The following LRRC74A variants were observed in gnomAD, a reference collection of about 807,000 sequenced individuals.
The protein encoded by LRRC74A is leucine rich repeat containing 74A.
LRRC74A carries 44 observed loss-of-function variants against 57.9 expected under a neutral mutation model. The ratio of observed to expected loss-of-function variants is 0.76; its 90% CI spans 0.60 to 0.98. The LOEUF is 0.98. LRRC74A is among the 50% of genes least tolerant of loss of function. LRRC74A has a pLI of 0.00. For missense variants in LRRC74A, 572 were observed against 574.0 expected, an observed-to-expected ratio of 1.00 and a Z score of 0.04; for synonymous variants, 211 against 219.4, an observed-to-expected ratio of 0.96 and a Z score of 0.34.
At chr14:76,850,812 G>C (rs1372560498) in intron 7 of LRRC74A, among the ~76,000 whole-genome samples, 1 of 145,784 alleles carries the variant, frequency 6.9e-6, no homozygotes, top group Non-Finnish European at 1.5e-5. Flanking sequence ...AGGTTGCAGT[G>C]AGCCGAGATT....
intron 9 of LRRC74A, 63 bp from the exon 10 acceptor site, chr14:76,857,317 T>C: frequency 1.0e-6 from 1 of 1,002,948 alleles, no homozygotes; most frequent in Non-Finnish European, 1.5e-6. Flanking sequence ...ATGTAGAAAC[T>C]GTGCTCTGGG....
Position 76,852,382 on chromosome 14 carries a change from A to T in LRRC74A, c.694A>T (p.Thr232Ser). Residue 232 changes from threonine (T) to serine (S), a missense_variant, in exon 8 of 14, where the codon ACG (threonine) becomes TCG (serine). Physicochemically the swap from Thr to Ser is moderately conservative, Grantham distance 58 (BLOSUM62 1). Coordinates refer to ENST00000689127, the MANE Select transcript of LRRC74A (RefSeq NM_001385106.1). ...TGTTTCAGCCATCAACGTGGGGCTC[A>T]CGTCACTGGATCTGAGCTGGAATAA... ...GQMLAINVGL[T>S]SLDLSWNNFH... The T allele has an allele frequency of 6.2e-7, 1 of 1,611,954 alleles. No homozygotes were observed. Among genetic ancestry groups the T allele is most frequent in the Non-Finnish European group, 8.5e-7 (1 of 1,178,708 alleles).
intron 3 of LRRC74A, among the ~76,000 whole-genome samples, chr14:76,834,733 T>C (rs770677286): frequency 2.0e-5 from 3 of 152,174 alleles, no homozygotes; most frequent in Admixed American, 1.3e-4. Context: ...TGCTTCCCCC[T>C]GGAATGTGCT....
chr14:76,867,452 C>T lies in LRRC74A; in HGVS notation c.1391+14C>T, dbSNP rs1298051274. 13 of 1,474,924 alleles carry T rather than the reference C, an allele frequency of 8.8e-6. No homozygotes were observed. Among genetic ancestry groups the T allele is most frequent in the Admixed American group, 6.7e-5 (4 of 59,536 alleles). The allele number at this position is 1,474,924 out of a possible 1,614,324, so 91.4% of individuals were successfully genotyped here. On this transcript the variant is annotated intron_variant, in intron 13 of 13. Coordinates refer to ENST00000689127, the MANE Select transcript of LRRC74A (RefSeq NM_001385106.1). Reference sequence around the variant, plus strand: ...GGTGAACTTCAGGTCAGCCCAGGCCCCGCGACGATCCCCGTTCTCTGCAAG... The same window carrying T: ...GGTGAACTTCAGGTCAGCCCAGGCCTCGCGACGATCCCCGTTCTCTGCAAG...
intron 5 of LRRC74A, among the ~76,000 whole-genome samples, chr14:76,843,187 G>A (rs1595363198): frequency 6.6e-6 from 1 of 151,694 alleles, no homozygotes; most frequent in East Asian, 1.9e-4. Context: ...GGAGGCTGAG[G>A]CAGGAGAATT....
At chr14:76,859,144 A>C (rs1898102044) in intron 10 of LRRC74A, among the ~76,000 whole-genome samples, 1 of 152,100 alleles carries the variant, frequency 6.6e-6, no homozygotes, top group Admixed American at 6.6e-5. Flanking sequence ...TCTCCACTGC[A>C]GATTCAGACT....
rs538973643 is a variant in LRRC74A at position 76,827,893 on chromosome 14, G to T, written c.38-398G>T. ...CCCCTTATACTCCCTGGCACCATTT[G>T]TGCCTGACAATAAGGAAGCCTATGT... On this transcript the variant is annotated intron_variant, in intron 1 of 13. Coordinates refer to ENST00000689127, the MANE Select transcript of LRRC74A (RefSeq NM_001385106.1). Among the ~76,000 whole-genome samples the T allele has an allele frequency of 1.4e-4, 21 of 151,732 alleles. 2 individuals carry two copies. The East Asian group carries it at 4.1e-3, about 29-fold the overall frequency.
rs150995860 is a variant in LRRC74A at position 76,856,967 on chromosome 14, T to TTGGATGGA, written c.958-375_958-368dup. Among the ~76,000 whole-genome samples, 332 of 124,022 alleles carry TTGGATGGA rather than the reference T, an allele frequency of 2.7e-3. 2 individuals carry two copies. The highest frequency in any genetic ancestry group is 2.7e-3 in the South Asian group (10 of 3,710). The allele number at this position is 124,022 out of a possible 152,430, so 81.4% of individuals were successfully genotyped here. On this transcript the variant is annotated intron_variant, in intron 9 of 13. Transcript: ENST00000689127. Reference sequence around the variant, plus strand: ...AGCAGTGAGATGGATAAGTTGGTGGTTGGATGGATGGATGGATGGATGGAT... The same window carrying TTGGATGGA: ...AGCAGTGAGATGGATAAGTTGGTGGTTGGATGGATGGATGGATGGATGGATGGATGGAT...
chr14:76,867,883 A>G (rs2140318677), intron 13 of LRRC74A, among the ~76,000 whole-genome samples: 1 of 152,340 alleles, frequency 6.6e-6, no homozygotes, highest in South Asian at 2.1e-4. Context: ...GGGCGGAGGC[A>G]CACAAGCACC....
chr14:76,852,850 CT>C (rs1231234706), intron 8 of LRRC74A, among the ~76,000 whole-genome samples: 4 of 152,126 alleles, frequency 2.6e-5, no homozygotes, highest in African/African-American at 4.8e-5. Context: ...AACTCCTGAC[CT>C]TGTGATCCAC....
intron 5 of LRRC74A, among the ~76,000 whole-genome samples, chr14:76,841,704 T>C (rs1896783368): frequency 1.6e-5 from 2 of 122,748 alleles, no homozygotes; most frequent in African/African-American, 3.0e-5. Flanking sequence ...TATATTCTTT[T>C]TTTTTCTTTT....
chr14:76,852,931 T>C (rs1897612490), intron 8 of LRRC74A, among the ~76,000 whole-genome samples: 1 of 152,138 alleles, frequency 6.6e-6, no homozygotes, highest in Admixed American at 6.6e-5. Context: ...CATTATTCTT[T>C]AGTATAATCG....
chr14:76,867,210 GT>G, intron 12 of LRRC74A, 145 bp from the exon 13 acceptor site: 2 of 265,640 alleles, frequency 7.5e-6, no homozygotes, highest in Non-Finnish European at 6.9e-6. Context: ...GGGGGGTGGG[GT>G]GTGTGTGTGT....
intron 9 of LRRC74A, among the ~76,000 whole-genome samples, chr14:76,857,062 G>A: frequency 6.6e-6 from 1 of 150,666 alleles, no homozygotes; most frequent in Admixed American, 6.6e-5. Context: ...TGGATGAATG[G>A]ATGGATAGAT....
chr14:76,867,833 A>G lies in LRRC74A; in HGVS notation c.1391+395A>G, dbSNP rs116796486. Reference sequence around the variant, plus strand: ...AGTGTCGCTCAGGCGGGAGGCGGCAATGTTTCAGCCGAGTCTGGCAAGACG... The same window carrying G: ...AGTGTCGCTCAGGCGGGAGGCGGCAGTGTTTCAGCCGAGTCTGGCAAGACG... On this transcript the variant is annotated intron_variant, in intron 13 of 13. Coordinates refer to ENST00000689127, the MANE Select transcript of LRRC74A (RefSeq NM_001385106.1). Among the ~76,000 whole-genome samples, 1,184 of 152,266 alleles carry G rather than the reference A, an allele frequency of 7.8e-3. 13 individuals carry two copies. Among genetic ancestry groups the G allele is most frequent in the African/African-American group, 0.026 (1,100 of 41,550 alleles).
intron 6 of LRRC74A, 140 bp downstream of exon 6, chr14:76,844,612 CAA>C: frequency 2.3e-6 from 2 of 870,438 alleles, no homozygotes; most frequent in Non-Finnish European, 3.6e-6. Flanking sequence ...CTGCCAACCC[CAA>C]CAAAGGCACA....
chr14:76,867,480 G>T (rs769002286), intron 13 of LRRC74A, 42 bp downstream of exon 13: 10 of 1,088,850 alleles, frequency 9.2e-6, no homozygotes, highest in South Asian at 6.3e-5. Context: ...TCTGCAAGGG[G>T]CCCTGGCTGG....
chr14:76,852,151 T>C, intron 7 of LRRC74A, among the ~76,000 whole-genome samples: 1 of 152,202 alleles, frequency 6.6e-6, no homozygotes, highest in East Asian at 1.9e-4. Flanking sequence ...ACCTAAACTA[T>C]GTAAGGAGGA....
intron 10 of LRRC74A, 94 bp downstream of exon 10, chr14:76,857,569 C>A: frequency 2.6e-6 from 2 of 777,756 alleles, no homozygotes; most frequent in South Asian, 1.5e-5. Flanking sequence ...ACAGCTCTAT[C>A]CCTCACAGGC....
Sources: allele counts gnomAD v4.1 joint callset (sites outside exome capture counted in the v4.1 genomes callset), GRCh38; gene constraint gnomAD v4.1.1; transcripts MANE v1.5; gene names NCBI Gene and HGNC (gene_info 2026-07-23, HGNC 2026-07-21).